Variants in AZIN2 observed in about 807,000 individuals in gnomAD.
AZIN2 encodes the protein ODC antizyme inhibitor-2.
A neutral mutation model predicts 47.8 loss-of-function variants in AZIN2; 28 were observed. The ratio of observed to expected loss-of-function variants is 0.59; its 90% confidence interval spans 0.43 to 0.80. The LOEUF is 0.80. AZIN2 is among the 30% of genes least tolerant of loss of function. The pLI is 0.00. For synonymous variants in AZIN2, 221 were observed against 239.4 expected (o/e 0.92, Z 0.71); for missense variants, 535 against 582.5 (o/e 0.92, Z 0.84).
At chr1:33,095,772 C>T (rs762500827) in intron 8 of AZIN2, among the ~76,000 whole-genome samples, 6 of 152,072 alleles carry the variant, frequency 3.9e-5, no homozygotes, top group Non-Finnish European at 7.3e-5. Context: ...CATAAACAGC[C>T]GATTAACAGA....
intron 10 of AZIN2, among the ~76,000 whole-genome samples, chr1:33,101,203 T>C (rs1643661150): frequency 6.6e-6 from 1 of 152,036 alleles, no homozygotes; most frequent in Non-Finnish European, 1.5e-5. Context: ...CATACTCTTT[T>C]CTTCTTTTTC....
chr1:33,110,232 C>T (rs2981947), intron 10 of AZIN2, among the ~76,000 whole-genome samples: 2 of 152,216 alleles, frequency 1.3e-5, no homozygotes, highest in Non-Finnish European at 2.9e-5. Context: ...TAACTATGGT[C>T]TGAAAAACCT....
intron 5 of AZIN2, among the ~76,000 whole-genome samples, chr1:33,090,855 C>T (rs919575931): frequency 2.0e-5 from 3 of 152,318 alleles, no homozygotes; most frequent in South Asian, 2.1e-4. Context: ...ACTGCCCCCT[C>T]GCCATTGACC....
the AZIN2 span, among the ~76,000 whole-genome samples, chr1:33,155,732 C>T: frequency 1.3e-5 from 2 of 152,220 alleles, no homozygotes; most frequent in Admixed American, 1.3e-4. Flanking sequence ...ACTTCTCTAT[C>T]CAGGTCTCTC....
At chr1:33,154,196 C>A in the AZIN2 span, among the ~76,000 whole-genome samples, 5 of 152,220 alleles carry the variant, frequency 3.3e-5, no homozygotes, top group Non-Finnish European at 7.3e-5. Flanking sequence ...TGTGGTGGCT[C>A]ACGCCTGTAA....
the AZIN2 span, chr1:33,146,476 A>G: frequency 1.9e-5 from 3 of 158,906 alleles, no homozygotes; most frequent in Non-Finnish European, 4.2e-5. Flanking sequence ...TGGGCTCTGC[A>G]TCAGCTTTGG....
At chr1:33,127,918 G>C (rs1644868438), downstream of AZIN2, among the ~76,000 whole-genome samples, 1 of 152,054 alleles carries the variant, frequency 6.6e-6, no homozygotes, top group Admixed American at 6.6e-5. Flanking sequence ...TAATGACAAG[G>C]ACTCCTACCC....
downstream of AZIN2, among the ~76,000 whole-genome samples, chr1:33,127,401 G>A (rs1030211643): frequency 1.3e-5 from 2 of 152,270 alleles, no homozygotes; most frequent in African/African-American, 4.8e-5. Flanking sequence ...TTTACCAAAC[G>A]GTGAGAAGGA....
rs1420090141 is a variant in AZIN2 at position 33,120,684 on chromosome 1, C to G, written c.*502C>G. 1.3e-5 allele frequency among the ~76,000 whole-genome samples: 2 copies of G among 152,154 alleles called. No individual in the cohort carries two copies. Among genetic ancestry groups the G allele is most frequent in the African/African-American group, 4.8e-5 (2 of 41,430 alleles). ...CCACTAGTACTCACCTTATCTGACT[C>G]ATCTCTCTCCTCCTCATGGGCCTCC... On this transcript the variant is annotated 3_prime_UTR_variant, in exon 12 of 12. Transcript: ENST00000294517.
the AZIN2 span, among the ~76,000 whole-genome samples, chr1:33,152,323 T>C: frequency 1.3e-5 from 2 of 152,128 alleles, no homozygotes; most frequent in Non-Finnish European, 2.9e-5. Context: ...TCCAGCACTT[T>C]GGGAGGCCGA....
At chr1:33,160,661 T>C in the AZIN2 span, among the ~76,000 whole-genome samples, 5 of 152,120 alleles carry the variant, frequency 3.3e-5, no homozygotes, top group Non-Finnish European at 5.9e-5. Flanking sequence ...CACCTTGGCC[T>C]CCCAAAGTGC....
At chr1:33,102,681 G>A (rs891177957) in intron 10 of AZIN2, among the ~76,000 whole-genome samples, 5 of 151,980 alleles carry the variant, frequency 3.3e-5, no homozygotes, top group African/African-American at 7.3e-5. Context: ...GTCTATATGC[G>A]CTTCCTAGGT....
intron 5 of AZIN2, among the ~76,000 whole-genome samples, chr1:33,090,481 G>A (rs768955165): frequency 9.8e-5 from 15 of 152,338 alleles, no homozygotes; most frequent in South Asian, 2.1e-4. Context: ...GTGCAGGGCC[G>A]TGCACAGAGT....
intron 9 of AZIN2, among the ~76,000 whole-genome samples, chr1:33,097,608 G>A (rs1371741682): frequency 6.6e-6 from 1 of 152,162 alleles, no homozygotes; most frequent in African/African-American, 2.4e-5. Flanking sequence ...AGGGTGGTGG[G>A]CTCCAGGTAG....
chr1:33,147,165 C>T, the AZIN2 span: 5 of 1,611,130 alleles, frequency 3.1e-6, no homozygotes, highest in South Asian at 4.4e-5. This position sits in a 1 kb window ranked among gnomAD's most constrained non-coding sequence, Gnocchi z 8.1. Context: ...TTGTGGTCTC[C>T]TTCTGCCTGG....
At chr1:33,126,713 C>A (rs1177638442), downstream of AZIN2, among the ~76,000 whole-genome samples, 1 of 152,102 alleles carries the variant, frequency 6.6e-6, no homozygotes, top group African/African-American at 2.4e-5. Flanking sequence ...CACGTAGGAC[C>A]CCCCCAATAG....
At chr1:33,117,417 G>A (rs1644596481) in intron 10 of AZIN2, among the ~76,000 whole-genome samples, 1 of 152,200 alleles carries the variant, frequency 6.6e-6, no homozygotes, top group South Asian at 2.1e-4. Flanking sequence ...CTGTAGAGGT[G>A]TGGACATATC....
At chr1:33,087,750 TAA>T (rs60584060) in intron 5 of AZIN2, among the ~76,000 whole-genome samples, 3 of 146,186 alleles carry the variant, frequency 2.1e-5, no homozygotes, top group Non-Finnish European at 4.5e-5. Context: ...ATGCATTCTT[TAA>T]AAAAAAAAAA....
chr1:33,092,340 G>T (rs1347253917), intron 6 of AZIN2, 118 bp downstream of exon 6: 1 of 337,564 alleles, frequency 3.0e-6, no homozygotes, highest in South Asian at 3.2e-5. Flanking sequence ...CTGGGCTTCA[G>T]AGTGAAGGGG....
Sources: gnomAD v4.1 joint callset for allele counts (sites outside exome capture counted in the v4.1 genomes callset) on GRCh38, gnomAD v4.1.1 for gene constraint, Gnocchi (gnomAD v3.1) non-coding constraint, MANE v1.5 for transcripts, NCBI Gene and HGNC (gene_info 2026-07-23, HGNC 2026-07-21) for gene names.